Variants in MYO16 observed in about 807,000 individuals in gnomAD.
MYO16 encodes the protein myosin XVI.
Under a neutral mutation model 205.3 loss-of-function variants are expected in MYO16, and 94 were observed. The observed-to-expected ratio is 0.46, with a 90% confidence interval of 0.39 to 0.54. MYO16 has a LOEUF of 0.54. Among genes scored for constraint, MYO16 ranks in the 20% least tolerant of loss-of-function variants. The probability of loss-of-function intolerance (pLI) is 0.00; values close to 1 mark genes in which losing one functional copy is unlikely to be tolerated. For missense variants in MYO16, 2,315 were observed against 2,387.5 expected (o/e 0.97, Z 0.63); for synonymous variants, 988 against 954.0 (o/e 1.04, Z -0.66).
At chr13:108,570,653 T>C in the MYO16 span, among the ~76,000 whole-genome samples, 1 of 152,360 alleles carries the variant, frequency 6.6e-6, no homozygotes, top group East Asian at 1.9e-4. Context: ...TTACTTTGGG[T>C]ACAAGTGTCT....
chr13:108,897,984 G>A, intron 14 of MYO16, 32 bp from the exon 15 acceptor site: 1 of 1,470,920 alleles, frequency 6.8e-7, no homozygotes, highest in African/African-American at 1.4e-5. Context: ...TAAAATATGA[G>A]CAGTTCAGTA....
At chr13:108,829,555 T>G (rs1037664422) in intron 9 of MYO16, among the ~76,000 whole-genome samples, 1 of 152,142 alleles carries the variant, frequency 6.6e-6, no homozygotes, top group African/African-American at 2.4e-5. Flanking sequence ...TGAGGTTGTG[T>G]GGGGGCTGAG....
chr13:108,584,719 G>T, the MYO16 span, among the ~76,000 whole-genome samples: 2 of 152,230 alleles, frequency 1.3e-5, no homozygotes, highest in South Asian at 4.1e-4. Flanking sequence ...GAGAACATGA[G>T]ATATCTGTTT....
chr13:109,190,627 A>T (rs574391979), intron 34 of MYO16, among the ~76,000 whole-genome samples: 1 of 152,308 alleles, frequency 6.6e-6, no homozygotes, highest in Admixed American at 6.5e-5. Context: ...ATCCCATGTT[A>T]AAAATGTATC....
intron 27 of MYO16, chr13:109,065,485 A>G: frequency 2.4e-6 from 1 of 414,018 alleles, no homozygotes; most frequent in Admixed American, 3.4e-5. Context: ...ATTTTTTTCA[A>G]AATTGTAGAA....
intron 27 of MYO16, among the ~76,000 whole-genome samples, chr13:109,087,596 A>G (rs534309047): frequency 4.6e-5 from 7 of 152,264 alleles, no homozygotes; most frequent in Non-Finnish European, 8.8e-5. Context: ...CAGTGAGCCG[A>G]GATTGTGCCA....
At chr13:109,148,363 G>A (rs961878280) in intron 32 of MYO16, among the ~76,000 whole-genome samples, 1 of 152,164 alleles carries the variant, frequency 6.6e-6, no homozygotes, top group Admixed American at 6.5e-5. Context: ...TGTGCAAGCA[G>A]GAGGCCTATA....
upstream of MYO16, chr13:108,629,213 A>T (rs1490060396): frequency 6.6e-6 from 1 of 152,208 alleles, no homozygotes; most frequent in African/African-American, 2.4e-5. Flanking sequence ...CAAGTTTTTC[A>T]TTACTAAGGA....
intron 12 of MYO16, among the ~76,000 whole-genome samples, chr13:108,874,666 G>A (rs1879232442): frequency 6.6e-6 from 1 of 150,488 alleles, no homozygotes; most frequent in South Asian, 2.1e-4. Context: ...CACAAGTGCT[G>A]CGCCCAGAGG....
At chr13:108,647,532 G>C (rs1880808144) in intron 1 of MYO16, among the ~76,000 whole-genome samples, 2 of 152,228 alleles carry the variant, frequency 1.3e-5, no homozygotes, top group East Asian at 3.9e-4. Flanking sequence ...CTGCCAAACT[G>C]ATAAGTGCTT....
At chr13:108,732,103 G>T (rs1056382912) in intron 4 of MYO16, among the ~76,000 whole-genome samples, 2 of 152,138 alleles carry the variant, frequency 1.3e-5, no homozygotes, top group Admixed American at 1.3e-4. Flanking sequence ...AACCTCAAAA[G>T]ATAAATGTAT....
chr13:108,527,699 G>T, the MYO16 span, among the ~76,000 whole-genome samples: 1 of 152,002 alleles, frequency 6.6e-6, no homozygotes, highest in Non-Finnish European at 1.5e-5. Context: ...GCCAATAAAA[G>T]GATTCTTTGA....
intron 32 of MYO16, among the ~76,000 whole-genome samples, chr13:109,143,843 T>C (rs1877208347): frequency 3.3e-5 from 5 of 152,194 alleles, no homozygotes; most frequent in Admixed American, 2.6e-4. Flanking sequence ...TTTGAAAAGA[T>C]TGGATTGAGC....
chr13:108,720,121 G>T (rs2139568361), intron 3 of MYO16, among the ~76,000 whole-genome samples: 1 of 152,248 alleles, frequency 6.6e-6, no homozygotes, highest in South Asian at 2.1e-4. Context: ...TTTATCTATG[G>T]CAAGATAATC....
chr13:108,752,495 A>G (rs924112220), intron 4 of MYO16, among the ~76,000 whole-genome samples: 2 of 152,236 alleles, frequency 1.3e-5, no homozygotes, highest in African/African-American at 4.8e-5. Flanking sequence ...CAAATGTTAT[A>G]GTCATTCGTC....
intron 27 of MYO16, among the ~76,000 whole-genome samples, chr13:109,068,716 G>A (rs1566490458): frequency 1.3e-5 from 2 of 151,448 alleles, no homozygotes; most frequent in Admixed American, 1.3e-4. Context: ...CTCAGCCTCC[G>A]GAATAGCCGG....
At chr13:108,873,408 T>G (rs538622791) in intron 12 of MYO16, among the ~76,000 whole-genome samples, 36 of 152,268 alleles carry the variant, frequency 2.4e-4, no homozygotes, top group Non-Finnish European at 5.0e-4. Context: ...TAGCAAGTTA[T>G]TAATCATGGA....
chr13:108,863,975 A>G (rs1878580258), intron 11 of MYO16, among the ~76,000 whole-genome samples: 2 of 152,128 alleles, frequency 1.3e-5, no homozygotes. Context: ...TATGGTTCAT[A>G]ATACCATCTT....
At chr13:108,969,735 A>C (rs372928888) in intron 20 of MYO16, among the ~76,000 whole-genome samples, 26 of 152,316 alleles carry the variant, frequency 1.7e-4, no homozygotes, top group African/African-American at 5.8e-4. Flanking sequence ...AATGAGCTCA[A>C]TCACCTCTCT....
Sources: gnomAD v4.1 joint callset for allele counts (sites outside exome capture counted in the v4.1 genomes callset) on GRCh38, gnomAD v4.1.1 for gene constraint, MANE v1.5 for transcripts, NCBI Gene and HGNC (gene_info 2026-07-23, HGNC 2026-07-21) for gene names.